Variants in NAA38 observed in about 807,000 individuals in gnomAD.
NAA38 encodes the protein LSM domain containing 1.
NAA38 carries 15 observed loss-of-function variants against 12.6 expected under a neutral mutation model. The ratio of observed to expected loss-of-function variants is 1.19; its 90% CI spans 0.79 to 1.83. The LOEUF is 1.83. Among genes scored for constraint, NAA38 ranks in the 40% most tolerant of loss-of-function variants. The pLI is 0.00. For synonymous variants in NAA38, 88 were observed against 69.9 expected, an observed-to-expected ratio of 1.26 and a Z score of -1.29; for missense variants, 183 against 171.7, an observed-to-expected ratio of 1.07 and a Z score of -0.37.
In NAA38 at chr17:7,856,926, C is replaced by G. The variant is rs913493678; in HGVS notation, c.266-83G>C. The G allele has an allele frequency of 2.0e-5, 32 of 1,591,350 alleles. No individual in the cohort carries two copies. In the African/African-American group the frequency reaches 2.7e-4, roughly 13 times the overall value. ...AGCCACGAAAACGAGCCCCAGAAAA[C>G]AAGGGTTGCAGCCAGGCCCTTAAGG... is the stretch of plus-strand genomic sequence containing the variant. On this transcript the variant is annotated intron_variant, in intron 2 of 2. Coordinates refer to ENST00000575771, the MANE Select transcript of NAA38 (RefSeq NM_001320925.4).
At chr17:7,878,069 T>C (rs911284694) in intron 2 of NAA38, among the ~76,000 whole-genome samples, 3 of 152,188 alleles carry the variant, frequency 2.0e-5, no homozygotes, top group African/African-American at 7.2e-5. Context: ...TTTACTTTTA[T>C]TGATTTTTAT....
chr17:7,859,217 G>A (rs2078863277), upstream of NAA38: 19 of 621,854 alleles, frequency 3.1e-5, no homozygotes, highest in South Asian at 3.4e-4. Context: ...AAGATCTGTA[G>A]GACTTTAGGG....
upstream of NAA38, chr17:7,859,957 G>T (rs2078870719): frequency 4.1e-6 from 1 of 243,596 alleles, no homozygotes; most frequent in African/African-American, 2.3e-5. Context: ...TTTTGGCAAT[G>T]ATGGAAATGA....
upstream of NAA38, chr17:7,885,313 GC>G (rs1967687926): frequency 3.3e-5 from 4 of 119,598 alleles, no homozygotes; most frequent in East Asian, 4.0e-4. Context: ...CTCCCCCGCC[GC>G]CGCCGCCGCC....
chr17:7,857,030 A>G lies in NAA38; in HGVS notation c.250T>C (p.Phe84Leu). ...GGGCACTGACCCGACGGCTTGAGGA[A>G]CTCCTGCGCCGAGCCCAGGATGACA... ...CNVILGSAQE[F>L]LKPSDSFSAG... Residue 84 changes from phenylalanine (F) to leucine (L), a missense_variant, in exon 2 of 3, where the codon TTC (phenylalanine) becomes CTC (leucine). Phe to Leu is a conservative substitution (Grantham distance 22). Transcript: ENST00000575771. The G allele has an allele frequency of 6.2e-7, 1 of 1,606,756 alleles. No individual in the cohort carries two copies. The highest frequency in any genetic ancestry group is 8.5e-7 in the Non-Finnish European group (1 of 1,174,880).
At chr17:7,859,655 G>A (rs747512422), upstream of NAA38, 102 of 1,597,166 alleles carry the variant, frequency 6.4e-5, 1 homozygote, top group South Asian at 1.1e-3. Context: ...CGTATTTCGA[G>A]TTTGGCTTTT....
At position 7,878,683 on chromosome 17, in the gene NAA38, G is replaced by A. The variant is rs571503674; in HGVS notation, c.-66+4552C>T. ...AGAGGTTGCAGTGAGCTGAGATCGCGCCATTGCACTACAGTCTGGGCAACA... is the reference window on the plus strand; with the variant it reads ...AGAGGTTGCAGTGAGCTGAGATCGCACCATTGCACTACAGTCTGGGCAACA... On this transcript the variant is annotated intron_variant, in intron 2 of 4. Transcript: ENST00000576861. 5.9e-5 allele frequency among the ~76,000 whole-genome samples: 9 copies of A among 152,194 alleles called. No individual in the cohort carries two copies. In the South Asian group the frequency reaches 1.0e-3, roughly 18 times the overall value.
upstream of NAA38, chr17:7,858,163 C>T (rs762039160): frequency 1.9e-6 from 3 of 1,613,710 alleles, no homozygotes; most frequent in South Asian, 2.2e-5. Flanking sequence ...GTGGCTGGGC[C>T]AGACTTGGAG....
upstream of NAA38, chr17:7,858,111 C>A (rs1289381440): frequency 6.2e-7 from 1 of 1,612,392 alleles, no homozygotes. Context: ...ACCAAGAGAT[C>A]CAGTGACCGA....
chr17:7,870,698 A>G (rs555096836), intron 2 of NAA38, among the ~76,000 whole-genome samples: 6 of 152,120 alleles, frequency 3.9e-5, no homozygotes, highest in Admixed American at 1.3e-4. Context: ...CCTGGCCAAC[A>G]TGGTGAAACC....
intron 3 of NAA38, chr17:7,865,763 G>A (rs1260332541): frequency 6.6e-6 from 1 of 152,228 alleles, no homozygotes; most frequent in Non-Finnish European, 1.5e-5. Flanking sequence ...AGATGCACTG[G>A]AGGTAAAAGG....
intron 2 of NAA38, among the ~76,000 whole-genome samples, chr17:7,870,819 G>A (rs1171788743): frequency 2.6e-5 from 4 of 151,780 alleles, no homozygotes; most frequent in Non-Finnish European, 4.4e-5. Flanking sequence ...CCTGGGAGGT[G>A]GAGGTTTCGG....
chr17:7,859,237 T>C (rs2078863441), upstream of NAA38: 6 of 651,286 alleles, frequency 9.2e-6, no homozygotes, highest in East Asian at 1.6e-4. Context: ...GTCTGCTCAT[T>C]GCATGCTGGA....
chr17:7,861,788 T>A (rs1319587934), upstream of NAA38: 2 of 152,180 alleles, frequency 1.3e-5, no homozygotes. Flanking sequence ...GCAATGAGAG[T>A]CAGCTATGAA....
upstream of NAA38, chr17:7,859,672 C>T: frequency 3.9e-6 from 6 of 1,537,684 alleles, no homozygotes; most frequent in South Asian, 5.6e-5. Flanking sequence ...TTTTTCTGTG[C>T]CTTGAGGAAA....
upstream of NAA38, chr17:7,857,585 T>C (rs2078838471): frequency 1.4e-6 from 2 of 1,390,350 alleles, no homozygotes; most frequent in South Asian, 1.8e-5. Flanking sequence ...CTCCCCCTCC[T>C]AGTCTCCTCG....
chr17:7,858,250 T>A, upstream of NAA38: 1 of 1,614,000 alleles, frequency 6.2e-7, no homozygotes, highest in Non-Finnish European at 8.5e-7. Context: ...GTATCTTACC[T>A]GGGACGCGTG....
chr17:7,876,239 A>C (rs756100265), intron 2 of NAA38, among the ~76,000 whole-genome samples: 9 of 152,028 alleles, frequency 5.9e-5, no homozygotes, highest in Non-Finnish European at 1.2e-4. Flanking sequence ...CCCACGAAGC[A>C]TCTAGTATCA....
chr17:7,858,386 G>T, upstream of NAA38: 1 of 1,614,154 alleles, frequency 6.2e-7, no homozygotes, highest in South Asian at 1.1e-5. Context: ...GACAGTGGCT[G>T]TGCTGCTCTT....
Sources: allele counts gnomAD v4.1 joint callset (sites outside exome capture counted in the v4.1 genomes callset), GRCh38; gene constraint gnomAD v4.1.1; transcripts MANE v1.5; gene names NCBI Gene and HGNC (gene_info 2026-07-23, HGNC 2026-07-21).